SRGAP3: variants seen among roughly 807,000 people sequenced by gnomAD.
SRGAP3 encodes SLIT-ROBO Rho GTPase-activating protein 3.
Under a neutral mutation model 121.1 loss-of-function variants are expected in SRGAP3, and 39 were observed. That is an observed-to-expected ratio of 0.32 (90% confidence interval 0.25 to 0.42). The LOEUF (loss-of-function observed/expected upper bound fraction) is 0.42. Among genes scored for constraint, SRGAP3 ranks in the 10% least tolerant of loss-of-function variants. The pLI is 1.00. For missense variants in SRGAP3, 1,213 were observed against 1,470.6 expected, an observed-to-expected ratio of 0.82 and a Z score of 2.86; for synonymous variants, 601 against 570.0, an observed-to-expected ratio of 1.05 and a Z score of -0.77.
intron 1 of SRGAP3, among the ~76,000 whole-genome samples, chr3:9,200,385 T>C (rs1306707929): frequency 6.6e-6 from 1 of 152,196 alleles, no homozygotes; most frequent in Non-Finnish European, 1.5e-5. Context: ...TGACATGCTA[T>C]TTTGCTATAT....
At chr3:9,341,788 C>T (rs1230989566) in intron 1 of SRGAP3, among the ~76,000 whole-genome samples, 1 of 152,100 alleles carries the variant, frequency 6.6e-6, no homozygotes, top group Non-Finnish European at 1.5e-5. Flanking sequence ...TGTGAGCCAC[C>T]GCACCGGGCC....
rs533195542 is a variant in SRGAP3 at position 9,117,771 on chromosome 3, A to T, written c.260+6954T>A. 2.8e-4 allele frequency among the ~76,000 whole-genome samples: 42 copies of T among 152,302 alleles called. No homozygotes were observed. The South Asian group carries it at 5.8e-3, about 21-fold the overall frequency. On this transcript the variant is annotated intron_variant, in intron 2 of 21. Coordinates refer to ENST00000383836, the MANE Select transcript of SRGAP3 (RefSeq NM_014850.4). Reference sequence around the variant, plus strand: ...AGGGTAACCCCAGCATTTGTCTAGAACAGAGATTTTCAAACTAGGTCTCAA... The same window carrying T: ...AGGGTAACCCCAGCATTTGTCTAGATCAGAGATTTTCAAACTAGGTCTCAA...
intron 1 of SRGAP3, among the ~76,000 whole-genome samples, chr3:9,233,928 T>C (rs1953313525): frequency 6.6e-6 from 1 of 152,194 alleles, no homozygotes; most frequent in African/African-American, 2.4e-5. Context: ...CACCACATTC[T>C]CAGCATTTCT....
intron 3 of SRGAP3, among the ~76,000 whole-genome samples, chr3:9,288,012 C>T (rs1954805515): frequency 6.6e-6 from 1 of 151,836 alleles, no homozygotes; most frequent in Admixed American, 6.6e-5. Context: ...CTGAAAAATT[C>T]TTAACCACTA....
rs532229694 is a variant in SRGAP3, at chr3:9,361,058, C to T, written n.214+1782G>A. Among the ~76,000 whole-genome samples, 6 of 152,216 alleles carry T rather than the reference C, an allele frequency of 3.9e-5. No individual in the cohort carries two copies. The South Asian group carries it at 1.2e-3, about 32-fold the overall frequency. ...AGCATCTTTTCATGTGCTTATTGGC[C>T]ATTTGTCCATCTTTTGGAGAAATAT... On this transcript the variant is annotated intron_variant and non_coding_transcript_variant, in intron 1 of 3. Transcript: ENST00000490889.
At chr3:8,998,022 C>T (rs1942516393) in intron 18 of SRGAP3, among the ~76,000 whole-genome samples, 1 of 152,138 alleles carries the variant, frequency 6.6e-6, no homozygotes, top group Admixed American at 6.5e-5. Context: ...GCTGGGACCA[C>T]AGGCACATGC....
chr3:9,330,708 TG>T (rs763417400), intron 1 of SRGAP3: 10 of 152,038 alleles, frequency 6.6e-5, no homozygotes, highest in Middle Eastern at 3.2e-3. Context: ...AGAGACTCCA[TG>T]GGTAGCTTGT....
chr3:9,292,601 C>T (rs1954888212), intron 3 of SRGAP3: 2 of 152,170 alleles, frequency 1.3e-5, no homozygotes, highest in African/African-American at 4.8e-5. Flanking sequence ...AATTCATTTT[C>T]TCATGTTTTA....
intron 3 of SRGAP3, among the ~76,000 whole-genome samples, chr3:9,103,743 G>C (rs1304963590): frequency 2.0e-5 from 3 of 152,126 alleles, no homozygotes; most frequent in Non-Finnish European, 2.9e-5. Context: ...TTACAGACAA[G>C]GAAACTGAAA....
chr3:9,289,543 G>C (rs1490098452), intron 3 of SRGAP3, among the ~76,000 whole-genome samples: 1 of 152,160 alleles, frequency 6.6e-6, no homozygotes, highest in Non-Finnish European at 1.5e-5. Flanking sequence ...ATAGATCCTC[G>C]TAACAGTTTA....
At chr3:9,018,981 T>C (rs1375165606) in intron 14 of SRGAP3, among the ~76,000 whole-genome samples, 1 of 152,244 alleles carries the variant, frequency 6.6e-6, no homozygotes, top group Non-Finnish European at 1.5e-5. Flanking sequence ...TAAACTTCTT[T>C]CTTCACTTAA....
At chr3:9,236,243 T>A (rs1487358681) in intron 1 of SRGAP3, 1 of 177,038 alleles carries the variant, frequency 5.6e-6, no homozygotes, top group African/African-American at 2.4e-5. Flanking sequence ...GCTTAAAAGA[T>A]CCTTCTTCTA....
intron 1 of SRGAP3, among the ~76,000 whole-genome samples, chr3:9,352,455 GTAGAGA>G (rs940102927): frequency 2.0e-5 from 3 of 151,988 alleles, no homozygotes; most frequent in African/African-American, 7.3e-5. Flanking sequence ...TGTATTATTA[GTAGAGA>G]TAGGGTTTCA....
intron 1 of SRGAP3, among the ~76,000 whole-genome samples, chr3:9,342,384 G>A (rs1327461119): frequency 6.6e-6 from 1 of 151,666 alleles, no homozygotes; most frequent in Non-Finnish European, 1.5e-5. Context: ...AAATCATTTT[G>A]ATTGTATTTC....
At chr3:9,006,398 C>CAAAA (rs71049762) in intron 18 of SRGAP3, among the ~76,000 whole-genome samples, 1 of 123,014 alleles carries the variant, frequency 8.1e-6, no homozygotes, top group African/African-American at 3.0e-5. Context: ...GACTCTGTCT[C>CAAAA]AAAAAAAAAA....
chr3:9,233,328 TC>T (rs1447571646), intron 1 of SRGAP3, among the ~76,000 whole-genome samples: 18 of 152,236 alleles, frequency 1.2e-4, no homozygotes, highest in Admixed American at 1.2e-3. Flanking sequence ...CACAGCTGCC[TC>T]CTTCCACGTT....
chr3:9,194,741 T>G (rs556446673), intron 1 of SRGAP3, among the ~76,000 whole-genome samples: 3 of 152,178 alleles, frequency 2.0e-5, no homozygotes, highest in Non-Finnish European at 4.4e-5. Flanking sequence ...TATTGTTCTT[T>G]CCCCTCCAAT....
At chr3:9,226,943 A>G (rs995969973) in intron 1 of SRGAP3, among the ~76,000 whole-genome samples, 3 of 152,172 alleles carry the variant, frequency 2.0e-5, no homozygotes, top group African/African-American at 7.2e-5. Flanking sequence ...GCAGGAAATG[A>G]TATTTATGGA....
chr3:9,118,127 G>C (rs897596212), intron 2 of SRGAP3, among the ~76,000 whole-genome samples: 10 of 152,068 alleles, frequency 6.6e-5, no homozygotes, highest in African/African-American at 2.4e-4. Flanking sequence ...GTGAGACTCT[G>C]TCTCAAAAAT....
Sources: gnomAD v4.1 joint callset for allele counts (sites outside exome capture counted in the v4.1 genomes callset) on GRCh38, gnomAD v4.1.1 for gene constraint, MANE v1.5 for transcripts, NCBI Gene and HGNC (gene_info 2026-07-23, HGNC 2026-07-21) for gene names.